Variants in ABHD3 observed in about 807,000 individuals in gnomAD.
ABHD3 encodes abhydrolase domain containing 3, phospholipase, also known as phospholipase ABHD3.
ABHD3 carries 46 observed loss-of-function variants against 48.8 expected under a neutral mutation model. The observed-to-expected ratio is 0.94, with a 90% CI of 0.74 to 1.20. ABHD3 has a LOEUF of 1.20. Among genes scored for constraint, ABHD3 ranks in the 50% most tolerant of loss-of-function variants. The pLI is 0.00. For synonymous variants in ABHD3, 192 were observed against 183.7 expected (o/e 1.04, Z -0.36); for missense variants, 490 against 497.8 (o/e 0.98, Z 0.15).
chr18:21,651,005 T>G lies in ABHD3; in HGVS notation c.*586A>C, dbSNP rs756543320. On this transcript the variant is annotated 3_prime_UTR_variant, in exon 9 of 9. Coordinates refer to ENST00000289119, the MANE Select transcript of ABHD3 (RefSeq NM_138340.5). ...ATAATCATTATAAAACATAAGTTAG[T>G]CCTAATTTAATATTATCAGAGTAAA... 1 of 152,054 alleles carries G rather than the reference T, an allele frequency of 6.6e-6. No individual in the cohort carries two copies. Among genetic ancestry groups the G allele is most frequent in the Non-Finnish European group, 1.5e-5 (1 of 67,982 alleles). The allele number at this position is 152,054 out of a possible 1,614,324, so 9.4% of individuals were successfully genotyped here.
In ABHD3 at chr18:21,685,553, T is replaced by C. The variant is rs528477153; in HGVS notation, c.510-1588A>G. On this transcript the variant is annotated intron_variant, in intron 3 of 8. Transcript: ENST00000289119. The stretch of plus-strand genomic sequence containing the variant: ...TAAATCTTTTTGTTTTTTGAGACCA[T>C]GGTCTCACTCTGCAACTCAGGCTGG... Among the ~76,000 whole-genome samples, 7 of 152,326 alleles carry C rather than the reference T, an allele frequency of 4.6e-5. No individual in the cohort carries two copies. In the South Asian group the frequency reaches 1.2e-3, roughly 27 times the overall value.
At chr18:21,660,146 AATT>A (rs2039457486) in intron 5 of ABHD3, among the ~76,000 whole-genome samples, 1 of 143,944 alleles carries the variant, frequency 6.9e-6, no homozygotes, top group African/African-American at 2.8e-5. Context: ...AAAAAAAAAA[AATT>A]TTTTTTTTTT....
chr18:21,687,264 A>G lies in ABHD3; in HGVS notation c.510-3299T>C, dbSNP rs182088260. Among the ~76,000 whole-genome samples the G allele has an allele frequency of 1.5e-3, 227 of 151,442 alleles. 1 individual carries two copies. The highest frequency in any genetic ancestry group is 5.0e-3 in the African/African-American group (205 of 41,166). On this transcript the variant is annotated intron_variant, in intron 3 of 8. Coordinates refer to ENST00000289119, the MANE Select transcript of ABHD3 (RefSeq NM_138340.5). Reference sequence around the variant, plus strand: ...TGCTCTGTTGCCCCTGCTGGAGTGCAGTGGCGCAATCTCGGCTCACTGCAA... The same window carrying G: ...TGCTCTGTTGCCCCTGCTGGAGTGCGGTGGCGCAATCTCGGCTCACTGCAA...
intron 3 of ABHD3, among the ~76,000 whole-genome samples, chr18:21,692,798 G>T (rs1209888176): frequency 6.6e-6 from 1 of 152,130 alleles, no homozygotes; most frequent in Non-Finnish European, 1.5e-5. Context: ...ATTTCTAGCT[G>T]TGTCTCTTTG....
chr18:21,672,116 T>G (rs2039770275), intron 4 of ABHD3, among the ~76,000 whole-genome samples: 1 of 152,216 alleles, frequency 6.6e-6, no homozygotes, highest in Admixed American at 6.5e-5. Flanking sequence ...TCTTAAAAGC[T>G]GACAAGCTGA....
intron 4 of ABHD3, among the ~76,000 whole-genome samples, chr18:21,670,692 C>T (rs1364664755): frequency 6.6e-6 from 1 of 152,182 alleles, no homozygotes; most frequent in African/African-American, 2.4e-5. Flanking sequence ...CTCTGTCAAC[C>T]TTGCCTGTTG....
intron 3 of ABHD3, among the ~76,000 whole-genome samples, chr18:21,691,336 T>G (rs552044727): frequency 5.2e-4 from 79 of 152,332 alleles, no homozygotes; most frequent in Admixed American, 1.7e-3. Context: ...TTTAAAATGC[T>G]TCTATCGATA....
chr18:21,652,474 GAAAA>G (rs1286424713), intron 8 of ABHD3, among the ~76,000 whole-genome samples: 3 of 151,730 alleles, frequency 2.0e-5, no homozygotes, highest in Non-Finnish European at 4.4e-5. Context: ...AAGAGAGAAA[GAAAA>G]AAGAAAGAAA....
At chr18:21,682,595 C>T (rs1041215569) in intron 4 of ABHD3, 3 of 152,238 alleles carry the variant, frequency 2.0e-5, no homozygotes, top group South Asian at 2.1e-4. Context: ...TATCTTCACC[C>T]TATTGGCTTG....
intron 5 of ABHD3, 59 bp downstream of exon 5, chr18:21,664,059 G>GA: frequency 6.5e-7 from 1 of 1,547,682 alleles, no homozygotes. Flanking sequence ...TCCTCTCAAA[G>GA]AGACAGCCAA....
chr18:21,688,680 CA>C (rs2040179643), intron 3 of ABHD3, among the ~76,000 whole-genome samples: 1 of 151,950 alleles, frequency 6.6e-6, no homozygotes, highest in South Asian at 2.1e-4. Flanking sequence ...GTGGTATAGA[CA>C]ATAAAACCCT....
At chr18:21,655,931 C>A (rs1345712200) in intron 8 of ABHD3, among the ~76,000 whole-genome samples, 2 of 151,398 alleles carry the variant, frequency 1.3e-5, no homozygotes, top group African/African-American at 4.9e-5. Context: ...ACCAGGCAGG[C>A]GAATTACCTG....
chr18:21,651,749 T>C lies in ABHD3; in HGVS notation c.1072A>G (p.Thr358Ala). Residue 358 changes from threonine to alanine, a missense_variant, in exon 9 of 9, where the codon ACT becomes GCT. Thr to Ala is a moderately conservative substitution (Grantham distance 58). Coordinates refer to ENST00000289119, the MANE Select transcript of ABHD3 (RefSeq NM_138340.5). ...GCAACATTAGGATTTTGCTTAGCAG[T>C]TTCTATTGGAATAGCTTCAGACCAA... The part of the protein sequence containing the change: ...FSPSHAIPIE[T>A]AKQNPNVALV... The C allele has an allele frequency of 1.9e-6, 3 of 1,565,792 alleles. No individual in the cohort carries two copies. The highest frequency in any genetic ancestry group is 2.6e-6 in the Non-Finnish European group (3 of 1,154,250).
intron 1 of ABHD3, chr18:21,703,956 G>A: frequency 7.2e-6 from 4 of 557,340 alleles, no homozygotes; most frequent in Non-Finnish European, 1.3e-5. Flanking sequence ...CGCGATAAGG[G>A]AGTTTGTTTG....
At position 21,699,116 on chromosome 18, in the gene ABHD3, G is replaced by T. The variant is rs146234870; in HGVS notation, c.509+3200C>A. On this transcript the variant is annotated intron_variant, in intron 3 of 8. Transcript: ENST00000289119. ...TGCCTGGTTAACAGGGTTTCACCAC[G>T]TTGACCAGGCTGGTTTCGAACTCCT... Among the ~76,000 whole-genome samples, 13 of 152,038 alleles carry T rather than the reference G, an allele frequency of 8.6e-5. No individual in the cohort carries two copies. In the East Asian group the frequency reaches 2.3e-3, roughly 27 times the overall value.
At chr18:21,667,714 C>A (rs2039666478) in intron 4 of ABHD3, among the ~76,000 whole-genome samples, 1 of 151,990 alleles carries the variant, frequency 6.6e-6, no homozygotes, top group African/African-American at 2.4e-5. Context: ...GTCCACAAAA[C>A]CCTGAGGAAG....
chr18:21,664,068 A>G (rs1256243079), intron 5 of ABHD3, 50 bp downstream of exon 5: 1 of 1,566,352 alleles, frequency 6.4e-7, no homozygotes, highest in African/African-American at 1.4e-5. Flanking sequence ...AGAGACAGCC[A>G]ATAAAATAGC....
chr18:21,687,217 A>AT (rs1405951571), intron 3 of ABHD3, among the ~76,000 whole-genome samples: 21 of 147,516 alleles, frequency 1.4e-4, no homozygotes, highest in South Asian at 6.5e-4. Context: ...GCCTGTTTTT[A>AT]TTTTTTTTTG....
chr18:21,659,243 ACT>A lies in ABHD3; in HGVS notation c.767_768del (p.Glu256ValfsTer12), dbSNP rs772368714. The A allele has an allele frequency of 1.1e-5, 18 of 1,613,852 alleles. No homozygotes were observed. In the South Asian group the frequency reaches 1.4e-4, roughly 13 times the overall value. On this transcript the variant is annotated frameshift_variant, in exon 6 of 9. Transcript: ENST00000289119. LOFTEE classifies it high-confidence loss of function. ...SVGWNTFACS[E>X]SLEKPLNWLL... ...AGCCAGTTCAGTGGTTTTTCCAATG[ACT>A]CTGAGCAAGCGAAGGTGTTCCAACC...
Sources: gnomAD v4.1 joint callset for allele counts (sites outside exome capture counted in the v4.1 genomes callset) on GRCh38, gnomAD v4.1.1 for gene constraint, MANE v1.5 for transcripts, NCBI Gene and HGNC (gene_info 2026-07-23, HGNC 2026-07-21) for gene names.